Variants in PKNOX2 observed in about 807,000 individuals in gnomAD.
PKNOX2 encodes the protein PBX/knotted 1 homeobox 2.
PKNOX2 carries 14 observed loss-of-function variants against 53.1 expected under a neutral mutation model. That is an observed-to-expected ratio of 0.26 (90% CI 0.17 to 0.41). The LOEUF is 0.41. Ranked by LOEUF, PKNOX2 falls within the 10% of genes least tolerant of loss-of-function variation. PKNOX2 has a pLI of 1.00. For synonymous variants in PKNOX2, 257 were observed against 242.8 expected, an observed-to-expected ratio of 1.06 and a Z score of -0.54; for missense variants, 496 against 602.8, an observed-to-expected ratio of 0.82 and a Z score of 1.85.
intron 5 of PKNOX2, among the ~76,000 whole-genome samples, chr11:125,378,860 C>T (rs1050766746): frequency 6.6e-6 from 1 of 152,138 alleles, no homozygotes; most frequent in Non-Finnish European, 1.5e-5. Flanking sequence ...CTCTCTGGCT[C>T]CCTTGTGTTT....
chr11:125,220,621 TG>T, intron 1 of PKNOX2, among the ~76,000 whole-genome samples: 1 of 152,322 alleles, frequency 6.6e-6, no homozygotes, highest in Middle Eastern at 3.4e-3. Context: ...CAATCAGCCC[TG>T]GGGAATCATT....
intron 2 of PKNOX2, among the ~76,000 whole-genome samples, chr11:125,259,792 C>T (rs1384741413): frequency 7.2e-5 from 11 of 152,194 alleles, no homozygotes; most frequent in Non-Finnish European, 1.5e-5. Context: ...TGACCTACTG[C>T]ACCTCACCAC....
At chr11:125,311,124 TGC>T (rs1336124825) in intron 2 of PKNOX2, among the ~76,000 whole-genome samples, 1 of 152,206 alleles carries the variant, frequency 6.6e-6, no homozygotes, top group Non-Finnish European at 1.5e-5. Context: ...TCTTTTGTGT[TGC>T]TTTTTACTCT....
chr11:125,404,600 G>A (rs1954958281), intron 7 of PKNOX2, among the ~76,000 whole-genome samples: 1 of 151,506 alleles, frequency 6.6e-6, no homozygotes, highest in Non-Finnish European at 1.5e-5. Context: ...CATTTGCGCG[G>A]GCACACACAC....
rs750683529 is a variant in PKNOX2 at position 125,385,668 on chromosome 11, G to A, written c.345G>A (p.Gln115=). Residue 115 remains glutamine, a synonymous_variant, in exon 6 of 13, where the codon CAG becomes CAA. Coordinates refer to ENST00000298282, the MANE Select transcript of PKNOX2 (RefSeq NM_001382323.2). The stretch of plus-strand genomic sequence containing the variant: ...TGGACATCGAGAACTTTGTCCACCA[G>A]CAGGAACAGGAGCACAAACCCTTCT... The part of the protein sequence containing the change: ...FDVDIENFVH[Q]QEQEHKPFFS... 8.7e-6 allele frequency: 14 copies of A among 1,613,908 alleles called. No individual in the cohort carries two copies. The highest frequency in any genetic ancestry group is 1.2e-5 in the Non-Finnish European group (14 of 1,179,936).
intron 10 of PKNOX2, among the ~76,000 whole-genome samples, chr11:125,419,285 G>T (rs1017193052): frequency 6.6e-6 from 1 of 151,822 alleles, no homozygotes; most frequent in East Asian, 1.9e-4. Context: ...TAGAATAAGC[G>T]GATGGGCGTG....
chr11:125,425,400 T>C (rs1222074650), intron 10 of PKNOX2, among the ~76,000 whole-genome samples: 1 of 152,204 alleles, frequency 6.6e-6, no homozygotes. Flanking sequence ...CTTTTTCTTT[T>C]CCTTGCTTTT....
At chr11:125,173,414 G>A (rs1955466722) in intron 1 of PKNOX2, among the ~76,000 whole-genome samples, 1 of 152,102 alleles carries the variant, frequency 6.6e-6, no homozygotes, top group African/African-American at 2.4e-5. Context: ...CATTATTTAG[G>A]GTAGCCCAGG....
intron 1 of PKNOX2, among the ~76,000 whole-genome samples, chr11:125,168,134 G>A (rs992631612): frequency 5.9e-5 from 9 of 152,312 alleles, no homozygotes; most frequent in African/African-American, 1.9e-4. Context: ...ACTTGGGACT[G>A]GGGGAGGGGC....
intron 2 of PKNOX2, among the ~76,000 whole-genome samples, chr11:125,282,700 T>C (rs188602038): frequency 2.1e-4 from 32 of 152,334 alleles, no homozygotes; most frequent in Admixed American, 2.1e-3. Flanking sequence ...TCCAAGTGGG[T>C]GTAGAGGACC....
chr11:125,189,564 G>T (rs1048710813), intron 1 of PKNOX2, among the ~76,000 whole-genome samples: 1 of 145,120 alleles, frequency 6.9e-6, no homozygotes. Flanking sequence ...AAACTCAGAA[G>T]GTCTTTGTTG....
At chr11:125,209,099 T>A (rs1939513958) in intron 1 of PKNOX2, among the ~76,000 whole-genome samples, 1 of 152,070 alleles carries the variant, frequency 6.6e-6, no homozygotes, top group African/African-American at 2.4e-5. Context: ...GAAAATAATT[T>A]AAAAATTACA....
chr11:125,212,732 C>T (rs1013572499), intron 1 of PKNOX2, among the ~76,000 whole-genome samples: 1 of 151,892 alleles, frequency 6.6e-6, no homozygotes, highest in African/African-American at 2.4e-5. Context: ...ATCCATAGAG[C>T]CAGCCCCCAA....
At chr11:125,255,749 C>A (rs1944362398) in intron 2 of PKNOX2, among the ~76,000 whole-genome samples, 1 of 152,132 alleles carries the variant, frequency 6.6e-6, no homozygotes, top group Non-Finnish European at 1.5e-5. Context: ...GCTTTGTTCA[C>A]TTCTGGAAGT....
intron 1 of PKNOX2, among the ~76,000 whole-genome samples, chr11:125,169,687 G>A (rs1955139035): frequency 6.6e-6 from 1 of 152,200 alleles, no homozygotes; most frequent in African/African-American, 2.4e-5. Context: ...AGCACAGGCT[G>A]CGCTCTGAGT....
At chr11:125,316,442 A>G (rs1033185150) in intron 2 of PKNOX2, among the ~76,000 whole-genome samples, 1 of 152,222 alleles carries the variant, frequency 6.6e-6, no homozygotes, top group Non-Finnish European at 1.5e-5. Context: ...AAATGATCAG[A>G]GGTAGCCTTC....
At chr11:125,310,223 G>A (rs909554788) in intron 2 of PKNOX2, among the ~76,000 whole-genome samples, 39 of 152,004 alleles carry the variant, frequency 2.6e-4, no homozygotes, top group Non-Finnish European at 4.6e-4. Context: ...TAGGCCGGGC[G>A]CGGTGGCTCA....
At chr11:125,299,939 C>T (rs1473656885) in intron 2 of PKNOX2, among the ~76,000 whole-genome samples, 1 of 152,240 alleles carries the variant, frequency 6.6e-6, no homozygotes, top group Non-Finnish European at 1.5e-5. Flanking sequence ...CTGCCCCTCA[C>T]GACAGGGCTG....
At chr11:125,246,264 T>C (rs1445580207) in intron 2 of PKNOX2, among the ~76,000 whole-genome samples, 2 of 152,160 alleles carry the variant, frequency 1.3e-5, no homozygotes, top group East Asian at 1.9e-4. Context: ...AGGCATCACA[T>C]GGCAGAAGCA....
Sources: gnomAD v4.1 joint callset for allele counts (sites outside exome capture counted in the v4.1 genomes callset) on GRCh38, gnomAD v4.1.1 for gene constraint, MANE v1.5 for transcripts, NCBI Gene and HGNC (gene_info 2026-07-23, HGNC 2026-07-21) for gene names.